MOB1A: variants seen among roughly 807,000 people sequenced by gnomAD.
MOB1A encodes the protein MOB kinase activator 1A, also known as MOB1 Mps One Binder homolog A.
MOB1A carries 10 observed loss-of-function variants against 25.1 expected under a neutral mutation model. That is an observed-to-expected ratio of 0.40 (90% CI 0.25 to 0.68). The LOEUF is 0.68. MOB1A is among the 30% of genes least tolerant of loss of function. The pLI is 0.40. For synonymous variants in MOB1A, 81 were observed against 79.5 expected (o/e 1.02, Z -0.10); for missense variants, 177 against 256.3 (o/e 0.69, Z 2.11).
chr2:74,173,948 C>CAAAA (rs773447145), intron 1 of MOB1A, among the ~76,000 whole-genome samples: 3 of 56,190 alleles, frequency 5.3e-5, no homozygotes, highest in African/African-American at 7.7e-5. Flanking sequence ...AACTCCGTCT[C>CAAAA]AAAAAAAAAA....
intron 4 of MOB1A, 121 bp downstream of exon 4, chr2:74,165,097 A>C: frequency 1.6e-6 from 1 of 619,926 alleles, no homozygotes; most frequent in East Asian, 3.2e-5. Context: ...AGGCAGGAGG[A>C]TCACTTGAGG....
chr2:74,170,323 G>A (rs1223095604), intron 2 of MOB1A, among the ~76,000 whole-genome samples: 2 of 151,840 alleles, frequency 1.3e-5, no homozygotes, highest in Non-Finnish European at 2.9e-5. Flanking sequence ...ATTTTTAGTA[G>A]AGATGGGGTT....
rs1204791409 is a variant in MOB1A at position 74,154,604 on chromosome 2, T to C, written c.*1964A>G. On this transcript the variant is annotated 3_prime_UTR_variant, in exon 6 of 6. Transcript: ENST00000396049. ...TGGTAACTCTTTTGTTTGAGAATATTTGAAATACTAGAAATAATGAGGAAA... is the reference window on the plus strand; with the variant it reads ...TGGTAACTCTTTTGTTTGAGAATATCTGAAATACTAGAAATAATGAGGAAA... The C allele has an allele frequency of 6.6e-6, 1 of 151,862 alleles. No individual in the cohort carries two copies. The allele number at this position is 151,862 out of a possible 1,614,324, so 9.4% of individuals were successfully genotyped here.
intron 4 of MOB1A, among the ~76,000 whole-genome samples, chr2:74,159,968 T>C (rs867603692): frequency 1.3e-5 from 2 of 151,834 alleles, no homozygotes; most frequent in African/African-American, 2.4e-5. Context: ...AGGCGTGCAC[T>C]ACTACACCTG....
chr2:74,159,276 A>T lies in MOB1A; in HGVS notation c.410-22T>A, dbSNP rs777979397. The T allele has an allele frequency of 3.1e-6, 5 of 1,605,374 alleles. No individual in the cohort carries two copies. In the African/African-American group the frequency reaches 6.7e-5, roughly 22 times the overall value. On this transcript the variant is annotated intron_variant, in intron 4 of 5. Coordinates refer to ENST00000396049, the MANE Select transcript of MOB1A (RefSeq NM_018221.5). ...ACACCTGCAATTAAATACACATATG[A>T]AACAATTATTTGGTTATCTAACAGT...
Position 74,167,032 on chromosome 2 carries a change from A to G in MOB1A, c.257T>C (p.Val86Ala). 6.2e-7 allele frequency: 1 copy of G among 1,613,830 alleles called. No homozygotes were observed. Among genetic ancestry groups the G allele is most frequent in the Non-Finnish European group, 8.5e-7 (1 of 1,179,756 alleles). Residue 86 changes from valine (V) to alanine (A), a missense_variant, in exon 3 of 6, where the codon GTC (valine) becomes GCC (alanine). Coordinates refer to ENST00000396049, the MANE Select transcript of MOB1A (RefSeq NM_018221.5). ...TEFCTEASCP[V>A]MSAGPRYEYH... ...TATGTACCTCGGACCTGCAGACATG[A>G]CTGGACAGCTTGCTTCAGTGCAGAA...
chr2:74,165,306 G>C lies in MOB1A; in HGVS notation c.321C>G (p.Ile107Met). The C allele has an allele frequency of 6.3e-7, 1 of 1,583,548 alleles. No homozygotes were observed. Among genetic ancestry groups the C allele is most frequent in the South Asian group, 1.2e-5 (1 of 84,320 alleles). ...WADGTNIKKP[I>M]KCSAPKYIDY... ...CAATGTATTTTGGTGCAGAACATTT[G>C]ATTGGCTTTTTAATATTAGTACCAT... is the stretch of plus-strand genomic sequence containing the variant. The change falls in exon 4 of 6, where the codon ATC becomes ATG. Residue 107 changes from isoleucine (I) to methionine (M), a missense_variant. Coordinates refer to ENST00000396049, the MANE Select transcript of MOB1A (RefSeq NM_018221.5).
At chr2:74,167,488 A>G (rs1693165244) in intron 2 of MOB1A, among the ~76,000 whole-genome samples, 1 of 152,114 alleles carries the variant, frequency 6.6e-6, no homozygotes, top group Non-Finnish European at 1.5e-5. Flanking sequence ...TGACCTCATG[A>G]TCCACTCGCA....
chr2:74,167,233 A>G lies in MOB1A; in HGVS notation c.182-126T>C, dbSNP rs1693155647. The G allele has an allele frequency of 4.5e-6, 3 of 663,704 alleles. No homozygotes were observed. The East Asian group carries it at 7.9e-5, about 18-fold the overall frequency. The allele number at this position is 663,704 out of a possible 1,614,324, so 41.1% of individuals were successfully genotyped here. A position where few individuals can be genotyped will look rare whatever the true frequency, so the allele number is the denominator to read the frequency against. On this transcript the variant is annotated intron_variant, in intron 2 of 5. Transcript: ENST00000396049. ...AACCCTTGAGACATTCAATAATCCAATGATACTGTAACTTGTAGTATACTA... is the reference window on the plus strand; with the variant it reads ...AACCCTTGAGACATTCAATAATCCAGTGATACTGTAACTTGTAGTATACTA...
chr2:74,178,275 A>C (rs1693534011), intron 1 of MOB1A: 1 of 165,270 alleles, frequency 6.1e-6, no homozygotes, highest in Non-Finnish European at 1.3e-5. Flanking sequence ...CAATAATGAA[A>C]CTGGACCTAT....
chr2:74,168,863 G>A (rs1414455932), intron 2 of MOB1A, among the ~76,000 whole-genome samples: 1 of 152,176 alleles, frequency 6.6e-6, no homozygotes, highest in Non-Finnish European at 1.5e-5. Flanking sequence ...ATGCCCAGGT[G>A]GAAGTTGGTT....
chr2:74,178,635 G>A (rs1228424488), intron 1 of MOB1A, 26 bp downstream of exon 1: 2 of 1,381,270 alleles, frequency 1.4e-6, no homozygotes, highest in South Asian at 1.7e-5. Context: ...CCGCAGGCCC[G>A]GCGCCCGCGG....
At chr2:74,165,137 C>G (rs1693092189) in intron 4 of MOB1A, 81 bp downstream of exon 4, 1 of 1,157,800 alleles carries the variant, frequency 8.6e-7, no homozygotes, top group Non-Finnish European at 1.2e-6. Flanking sequence ...CTGGACAACA[C>G]AGCAAACCCC....
intron 5 of MOB1A, 167 bp downstream of exon 5, chr2:74,158,924 C>A: frequency 1.4e-6 from 1 of 724,108 alleles, no homozygotes; most frequent in South Asian, 1.9e-5. Context: ...TATACTGCTG[C>A]ACACATCAAT....
chr2:74,166,943 T>A, intron 3 of MOB1A, 71 bp downstream of exon 3: 2 of 1,093,096 alleles, frequency 1.8e-6, no homozygotes, highest in Non-Finnish European at 1.4e-6. Context: ...AAATCTTAAC[T>A]GTTTAATTTC....
chr2:74,162,260 C>T lies in MOB1A; in HGVS notation c.409+2958G>A, dbSNP rs148867158. Among the ~76,000 whole-genome samples the T allele has an allele frequency of 6.0e-3, 917 of 151,972 alleles. 12 individuals are homozygous for T. Among genetic ancestry groups the T allele is most frequent in the African/African-American group, 0.021 (862 of 41,438 alleles). ...CTTTGGGAGGCCAAAGTGGGTGAATCACTTGAGGTCAGGAGTTCGAGACCA... is the reference window on the plus strand; with the variant it reads ...CTTTGGGAGGCCAAAGTGGGTGAATTACTTGAGGTCAGGAGTTCGAGACCA... On this transcript the variant is annotated intron_variant, in intron 4 of 5. Coordinates refer to ENST00000396049, the MANE Select transcript of MOB1A (RefSeq NM_018221.5).
chr2:74,157,427 A>G (rs995470250), intron 5 of MOB1A, among the ~76,000 whole-genome samples: 3 of 152,054 alleles, frequency 2.0e-5, no homozygotes, highest in African/African-American at 2.4e-5. Context: ...ACAGGTAGAG[A>G]TAAGTATTTC....
chr2:74,159,810 G>GT (rs1692908741), intron 4 of MOB1A, among the ~76,000 whole-genome samples: 2 of 131,640 alleles, frequency 1.5e-5, no homozygotes, highest in African/African-American at 6.0e-5. Context: ...TTAGTTTTTT[G>GT]TTTTTTGTCC....
chr2:74,164,921 C>T (rs1693082878), intron 4 of MOB1A: 2 of 176,202 alleles, frequency 1.1e-5, no homozygotes, highest in Admixed American at 6.2e-5. Context: ...CACTGGCAAA[C>T]ACAAACAGGG....
Sources: allele counts gnomAD v4.1 joint callset (sites outside exome capture counted in the v4.1 genomes callset), GRCh38; gene constraint gnomAD v4.1.1; transcripts MANE v1.5; gene names NCBI Gene and HGNC (gene_info 2026-07-23, HGNC 2026-07-21).